The following CDH18 variants were observed in gnomAD, a reference collection of about 807,000 sequenced individuals.
CDH18 encodes cadherin 18.
CDH18 carries 31 observed loss-of-function variants against 67.9 expected under a neutral mutation model. The ratio of observed to expected loss-of-function variants is 0.46; its 90% CI spans 0.34 to 0.62. The LOEUF is 0.62. CDH18 is among the 20% of genes least tolerant of loss of function. CDH18 has a pLI of 0.01. For missense variants in CDH18, 890 were observed against 975.5 expected, an observed-to-expected ratio of 0.91 and a Z score of 1.17; for synonymous variants, 362 against 347.2, an observed-to-expected ratio of 1.04 and a Z score of -0.48.
At chr5:19,608,692 T>A (rs1344931045) in intron 6 of CDH18, among the ~76,000 whole-genome samples, 1 of 151,772 alleles carries the variant, frequency 6.6e-6, no homozygotes, top group Non-Finnish European at 1.5e-5. Context: ...CAGTCACAAG[T>A]GAGTTTACGT....
Position 20,551,484 on chromosome 5 carries a change from C to T in CDH18, c.-580+23978G>A, listed in dbSNP as rs546290776. 2.6e-5 allele frequency among the ~76,000 whole-genome samples: 4 copies of T among 152,268 alleles called. No individual in the cohort carries two copies. In the South Asian group the frequency reaches 8.3e-4, roughly 32 times the overall value. ...GACTTCCCTTCCACATTTTATGACA[C>T]ACACCCACTTGCTGTTAATAGAAAC... is the stretch of plus-strand genomic sequence containing the variant. On this transcript the variant is annotated intron_variant, in intron 1 of 14. Coordinates refer to the CDH18 transcript ENST00000507958.
At chr5:20,353,140 C>T (rs1270227050) in intron 1 of CDH18, among the ~76,000 whole-genome samples, 1 of 152,026 alleles carries the variant, frequency 6.6e-6, no homozygotes, top group Admixed American at 6.6e-5. Flanking sequence ...CATTGGAATA[C>T]ATTTTTGGTC....
chr5:19,727,820 T>C (rs1341807138), intron 4 of CDH18, among the ~76,000 whole-genome samples: 1 of 152,168 alleles, frequency 6.6e-6, no homozygotes, highest in African/African-American at 2.4e-5. Context: ...TTACAGTAAA[T>C]AAAGATGAAT....
Position 20,218,278 on chromosome 5 carries a change from G to A in CDH18, c.-518+37166C>T, listed in dbSNP as rs183339912. Reference sequence around the variant, plus strand: ...GACCATTTGCTAGGCCACAAAAAAAGTTTTAAAAAATAAAAAATATTGAAA... The same window carrying A: ...GACCATTTGCTAGGCCACAAAAAAAATTTTAAAAAATAAAAAATATTGAAA... On this transcript the variant is annotated intron_variant, in intron 2 of 14. Transcript: ENST00000507958. 7.6e-3 allele frequency among the ~76,000 whole-genome samples: 1,153 copies of A among 151,832 alleles called. 6 individuals carry two copies. The highest frequency in any genetic ancestry group is 0.012 in the Non-Finnish European group (783 of 67,890).
chr5:19,897,423 T>C (rs1331833789), intron 2 of CDH18, among the ~76,000 whole-genome samples: 1 of 152,144 alleles, frequency 6.6e-6, no homozygotes, highest in Non-Finnish European at 1.5e-5. Context: ...AGACACATAA[T>C]ACTATACATT....
intron 1 of CDH18, among the ~76,000 whole-genome samples, chr5:20,558,377 T>C (rs1362993013): frequency 1.3e-5 from 2 of 151,466 alleles, no homozygotes; most frequent in East Asian, 3.9e-4. Flanking sequence ...AGGGGAGGAG[T>C]ATAAAAAAGG....
chr5:19,772,464 G>C (rs990927241), intron 3 of CDH18, among the ~76,000 whole-genome samples: 1 of 152,000 alleles, frequency 6.6e-6, no homozygotes, highest in Non-Finnish European at 1.5e-5. Flanking sequence ...TTTAAAGCTG[G>C]AAAATGGGTT....
At chr5:19,793,911 G>A (rs1776609470) in intron 3 of CDH18, among the ~76,000 whole-genome samples, 1 of 151,998 alleles carries the variant, frequency 6.6e-6, no homozygotes, top group Non-Finnish European at 1.5e-5. Context: ...GGAATCACCT[G>A]TATAAAAATG....
intron 4 of CDH18, among the ~76,000 whole-genome samples, chr5:19,729,750 T>C (rs1052201962): frequency 6.6e-5 from 10 of 152,166 alleles, no homozygotes; most frequent in Non-Finnish European, 1.3e-4. Context: ...ACAGAGTAAA[T>C]GGCTCTAGTG....
intron 2 of CDH18, among the ~76,000 whole-genome samples, chr5:19,937,136 T>A (rs1036577551): frequency 2.0e-5 from 3 of 151,406 alleles, no homozygotes; most frequent in Admixed American, 6.6e-5. Context: ...TATTATATCC[T>A]TCATGTTTAC....
intron 3 of CDH18, among the ~76,000 whole-genome samples, chr5:19,782,968 C>T (rs1352827591): frequency 6.6e-6 from 1 of 152,148 alleles, no homozygotes; most frequent in Non-Finnish European, 1.5e-5. Flanking sequence ...TTTGATTTCA[C>T]CAAATGTCTC....
At chr5:20,205,699 T>C (rs1554102490) in intron 2 of CDH18, among the ~76,000 whole-genome samples, 1 of 151,588 alleles carries the variant, frequency 6.6e-6, no homozygotes, top group Non-Finnish European at 1.5e-5. Context: ...TAGAAATCAA[T>C]AACAAAAGGA....
intron 1 of CDH18, among the ~76,000 whole-genome samples, chr5:20,263,865 T>G (rs1744842244): frequency 6.6e-6 from 1 of 152,090 alleles, no homozygotes; most frequent in African/African-American, 2.4e-5. Flanking sequence ...TTTTAAGGTG[T>G]GAGCTCTTTC....
chr5:19,648,163 C>T (rs1755048105), intron 5 of CDH18, among the ~76,000 whole-genome samples: 1 of 152,028 alleles, frequency 6.6e-6, no homozygotes, highest in African/African-American at 2.4e-5. Flanking sequence ...ACCTGTAATC[C>T]CAGAACTTTG....
At chr5:20,220,082 A>T (rs1459253484) in intron 2 of CDH18, among the ~76,000 whole-genome samples, 1 of 152,034 alleles carries the variant, frequency 6.6e-6, no homozygotes, top group Admixed American at 6.6e-5. Flanking sequence ...AGCAATCCCT[A>T]TGAAAATACT....
At chr5:20,225,558 T>C (rs1455966752) in intron 2 of CDH18, among the ~76,000 whole-genome samples, 2 of 152,124 alleles carry the variant, frequency 1.3e-5, no homozygotes, top group Admixed American at 1.3e-4. Flanking sequence ...CAGTACCTAA[T>C]GGAGAAAACA....
chr5:20,366,941 C>G (rs1742568325), intron 1 of CDH18, among the ~76,000 whole-genome samples: 1 of 152,066 alleles, frequency 6.6e-6, no homozygotes, highest in Non-Finnish European at 1.5e-5. Flanking sequence ...CCTCAGCTGT[C>G]ATAGGTAATA....
At chr5:19,788,573 T>A (rs924540629) in intron 3 of CDH18, among the ~76,000 whole-genome samples, 3 of 152,182 alleles carry the variant, frequency 2.0e-5, no homozygotes, top group Admixed American at 2.0e-4. Flanking sequence ...GCCTATGAGA[T>A]CCATCTCATA....
intron 3 of CDH18, among the ~76,000 whole-genome samples, chr5:19,802,531 CA>C (rs1170000327): frequency 2.6e-5 from 4 of 151,994 alleles, no homozygotes; most frequent in Non-Finnish European, 5.9e-5. Context: ...AAGTAAAATT[CA>C]AATATGTTAA....
Sources: gnomAD v4.1 joint callset for allele counts (sites outside exome capture counted in the v4.1 genomes callset) on GRCh38, gnomAD v4.1.1 for gene constraint, MANE v1.5 for transcripts, NCBI Gene and HGNC (gene_info 2026-07-23, HGNC 2026-07-21) for gene names.